Variants in TIGAR observed in about 807,000 individuals in gnomAD.
TIGAR encodes the protein fructose-2,6-bisphosphatase TIGAR.
A neutral mutation model predicts 17.9 loss-of-function variants in TIGAR; 7 were observed. The ratio of observed to expected loss-of-function variants is 0.39; its 90% CI spans 0.22 to 0.73. TIGAR has a LOEUF of 0.73. Among genes scored for constraint, TIGAR ranks in the 30% least tolerant of loss-of-function variants. TIGAR has a pLI of 0.42. For missense variants in TIGAR, 258 were observed against 327.4 expected (o/e 0.79, Z 1.64); for synonymous variants, 94 against 108.6 (o/e 0.87, Z 0.84).
chr12:4,335,333 G>A (rs1463838284), intron 2 of TIGAR, among the ~76,000 whole-genome samples: 4 of 151,778 alleles, frequency 2.6e-5, no homozygotes, highest in South Asian at 2.1e-4. Context: ...CACCATGCCC[G>A]GCCATTTTTT....
rs1481055865 is a variant in TIGAR at position 4,358,057 on chromosome 12, T to C, written c.*5366T>C. On this transcript the variant is annotated 3_prime_UTR_variant, in exon 6 of 6. Transcript: ENST00000179259. ...AGGTGGAGCTTGCAGTGAGCCAAGG[T>C]CGCGCCACTGCACTGCAGCCTGGGT... Among the ~76,000 whole-genome samples, 4 of 146,204 alleles carry C rather than the reference T, an allele frequency of 2.7e-5. No individual in the cohort carries two copies. Among genetic ancestry groups the C allele is most frequent in the Admixed American group, 2.1e-4 (3 of 14,220 alleles).
At chr12:4,344,958 A>C (rs1318963380) in intron 3 of TIGAR, among the ~76,000 whole-genome samples, 1 of 152,128 alleles carries the variant, frequency 6.6e-6, no homozygotes, top group Non-Finnish European at 1.5e-5. Flanking sequence ...CACAAGCCTT[A>C]TTATACACCA....
At position 4,321,871 on chromosome 12, in the gene TIGAR, A is replaced by G. The variant is rs962571625; in HGVS notation, c.32+568A>G. On this transcript the variant is annotated intron_variant, in intron 1 of 5. Transcript: ENST00000179259. The surrounding 1 kb of genome is among the most constrained non-coding windows in gnomAD (Gnocchi z 5.2). ...AGCTCTGATCTCAGCAGACCGTATCATCCCAAATAAATGTTTTTATTATCA... is the reference window on the plus strand; with the variant it reads ...AGCTCTGATCTCAGCAGACCGTATCGTCCCAAATAAATGTTTTTATTATCA... Among the ~76,000 whole-genome samples the G allele has an allele frequency of 3.3e-5, 5 of 152,224 alleles. No homozygotes were observed. The highest frequency in any genetic ancestry group is 5.9e-5 in the Non-Finnish European group (4 of 68,046).
intron 3 of TIGAR, among the ~76,000 whole-genome samples, chr12:4,346,628 A>T (rs945510498): frequency 1.3e-5 from 2 of 152,114 alleles, no homozygotes; most frequent in Non-Finnish European, 2.9e-5. Context: ...CGGGGGAGGG[A>T]TAGCATTAGT....
intron 1 of TIGAR, chr12:4,324,323 CT>C (rs34096957): frequency 0.3 from 182,068 of 603,652 alleles, 6,339 homozygotes; most frequent in Admixed American, 0.34. Context: ...ATTTAACTTC[CT>C]TTTTTTTTTT....
chr12:4,334,523 A>C (rs1306123907), intron 2 of TIGAR, among the ~76,000 whole-genome samples: 1 of 152,204 alleles, frequency 6.6e-6, no homozygotes, highest in Non-Finnish European at 1.5e-5. Context: ...CTCTTCCAAA[A>C]AATACAAAGA....
At chr12:4,322,163 A>C (rs1386932294) in intron 1 of TIGAR, among the ~76,000 whole-genome samples, 2 of 152,032 alleles carry the variant, frequency 1.3e-5, no homozygotes, top group African/African-American at 4.8e-5. Context: ...CGCCCGGCTA[A>C]TTTTTGTATT....
At position 4,359,536 on chromosome 12, in the gene TIGAR, G is replaced by A. The variant is rs1032506521; in HGVS notation, c.*6845G>A. Reference sequence around the variant, plus strand: ...GGTGCCAGGGTGCTCATTGCTAATAGTGCCTTTAAAAAAATTACTGCATTG... The same window carrying A: ...GGTGCCAGGGTGCTCATTGCTAATAATGCCTTTAAAAAAATTACTGCATTG... On this transcript the variant is annotated 3_prime_UTR_variant, in exon 6 of 6. Coordinates refer to ENST00000179259, the MANE Select transcript of TIGAR (RefSeq NM_020375.3). 6.6e-6 allele frequency among the ~76,000 whole-genome samples: 1 copy of A among 152,028 alleles called. No homozygotes were observed. The highest frequency in any genetic ancestry group is 2.4e-5 in the African/African-American group (1 of 41,378).
chr12:4,330,760 C>T lies in TIGAR; in HGVS notation c.33-520C>T, dbSNP rs547409682. Among the ~76,000 whole-genome samples the T allele has an allele frequency of 3.9e-5, 6 of 152,264 alleles. No homozygotes were observed. In the South Asian group the frequency reaches 8.3e-4, roughly 21 times the overall value. ...GTTCAGTGTGCAGTTAGTTGGTCTG[C>T]GAGATAGCTGTCAGTACTACAAAAA... On this transcript the variant is annotated intron_variant, in intron 1 of 5. Coordinates refer to ENST00000179259, the MANE Select transcript of TIGAR (RefSeq NM_020375.3).
chr12:4,344,354 G>A (rs1468587786), intron 3 of TIGAR, among the ~76,000 whole-genome samples: 1 of 152,080 alleles, frequency 6.6e-6, no homozygotes. Flanking sequence ...AGAAAAAGAG[G>A]GAATCCTCCC....
chr12:4,357,948 G>C lies in TIGAR; in HGVS notation c.*5257G>C, dbSNP rs1020154807. ...GAAACCTCGTCTCCACTGAAAAATA[G>C]AAAAAATTAGCCAGGCCTGGTGGCC... On this transcript the variant is annotated 3_prime_UTR_variant, in exon 6 of 6. Transcript: ENST00000179259. 2.0e-5 allele frequency among the ~76,000 whole-genome samples: 3 copies of C among 151,242 alleles called. No homozygotes were observed. Among genetic ancestry groups the C allele is most frequent in the South Asian group, 2.1e-4 (1 of 4,788 alleles).
chr12:4,324,982 A>C (rs944146262), intron 1 of TIGAR, among the ~76,000 whole-genome samples: 1 of 136,940 alleles, frequency 7.3e-6, no homozygotes. Context: ...CACTCTTGTC[A>C]CCCAGGTTGG....
chr12:4,345,153 G>A (rs142979412), intron 3 of TIGAR, among the ~76,000 whole-genome samples: 34,516 of 152,078 alleles, frequency 0.23, 3,964 homozygotes, highest in South Asian at 0.29. Context: ...TGGATAGGAA[G>A]AATCAATATC....
At chr12:4,328,061 T>C (rs145966646) in intron 1 of TIGAR, among the ~76,000 whole-genome samples, 1 of 152,368 alleles carries the variant, frequency 6.6e-6, no homozygotes, top group East Asian at 1.9e-4. Flanking sequence ...ACATGGTAAC[T>C]ATTTTCTAGA....
intron 3 of TIGAR, among the ~76,000 whole-genome samples, chr12:4,342,102 T>C (rs1240732811): frequency 1.3e-5 from 2 of 152,184 alleles, no homozygotes; most frequent in African/African-American, 4.8e-5. Context: ...CAAGCTTCAG[T>C]AGCCAATTCG....
At chr12:4,338,975 CACAAAAAAAAA>C (rs1464483482) in intron 3 of TIGAR, among the ~76,000 whole-genome samples, 2 of 38,194 alleles carry the variant, frequency 5.2e-5, no homozygotes, top group East Asian at 1.9e-3. Flanking sequence ...AACTTTGTCT[CACAAAAAAAAA>C]AAAAAAAAAA....
rs1001288467 is a variant in TIGAR at position 4,342,944 on chromosome 12, C to G, written c.192+5784C>G. Among the ~76,000 whole-genome samples the G allele has an allele frequency of 3.3e-5, 5 of 152,072 alleles. 1 individual carries two copies. In the East Asian group the frequency reaches 5.8e-4, roughly 18 times the overall value. Reference sequence around the variant, plus strand: ...CCAATTAAAAGACACAGACTGGCAACTTGGATAAAGAGTCAAGACCCATCA... The same window carrying G: ...CCAATTAAAAGACACAGACTGGCAAGTTGGATAAAGAGTCAAGACCCATCA... On this transcript the variant is annotated intron_variant, in intron 3 of 5. Coordinates refer to ENST00000179259, the MANE Select transcript of TIGAR (RefSeq NM_020375.3).
chr12:4,352,195 T>C, intron 5 of TIGAR, 65 bp from the exon 6 acceptor site: 1 of 1,397,880 alleles, frequency 7.2e-7, no homozygotes, highest in East Asian at 2.3e-5. Flanking sequence ...AGTTATGTTC[T>C]ATGTTAACGT....
At chr12:4,327,128 G>T (rs1336624337) in intron 1 of TIGAR, among the ~76,000 whole-genome samples, 1 of 152,156 alleles carries the variant, frequency 6.6e-6, no homozygotes, top group Non-Finnish European at 1.5e-5. Flanking sequence ...AAGTGACATG[G>T]CCAGGCGCAG....
Sources: allele counts gnomAD v4.1 joint callset (sites outside exome capture counted in the v4.1 genomes callset), GRCh38; gene constraint gnomAD v4.1.1; non-coding constraint Gnocchi (gnomAD v3.1); transcripts MANE v1.5; gene names NCBI Gene and HGNC (gene_info 2026-07-23, HGNC 2026-07-21).